Variants in APPBP2 observed in about 807,000 individuals in gnomAD.
APPBP2 encodes amyloid beta precursor protein binding protein 2, also known as amyloid protein-binding protein 2.
Under a neutral mutation model 76.0 loss-of-function variants are expected in APPBP2, and 15 were observed. The observed-to-expected ratio is 0.20, with a 90% CI of 0.13 to 0.30. The LOEUF is 0.30. APPBP2 is among the 10% of genes least tolerant of loss of function. The pLI is 1.00. For synonymous variants in APPBP2, 222 were observed against 242.2 expected (o/e 0.92, Z 0.77); for missense variants, 401 against 687.2 (o/e 0.58, Z 4.66).
intron 3 of APPBP2, among the ~76,000 whole-genome samples, chr17:60,492,590 G>A (rs1446359437): frequency 2.0e-5 from 3 of 152,216 alleles, no homozygotes; most frequent in Admixed American, 1.3e-4. Context: ...TCATTTTGGA[G>A]CTTTATGATT....
At position 60,446,325 on chromosome 17, in the gene APPBP2, C is replaced by CA. The variant is rs2090347003; in HGVS notation, c.*1255dup. ...ATCATTAAATAACCTGACTGGCTTA[C>CA]AAAAAATCAAATCAAAACCCAATAA... is the stretch of plus-strand genomic sequence containing the variant. On this transcript the variant is annotated 3_prime_UTR_variant, in exon 13 of 13. Coordinates refer to ENST00000083182, the MANE Select transcript of APPBP2 (RefSeq NM_006380.5). 1 of 152,382 alleles carries CA rather than the reference C, an allele frequency of 6.6e-6. No individual in the cohort carries two copies. Among genetic ancestry groups the CA allele is most frequent in the Non-Finnish European group, 1.5e-5 (1 of 67,984 alleles). The allele number at this position is 152,382 out of a possible 1,614,324, so 9.4% of individuals were successfully genotyped here.
intron 3 of APPBP2, among the ~76,000 whole-genome samples, chr17:60,491,385 G>T (rs2090727795): frequency 6.6e-6 from 1 of 152,130 alleles, no homozygotes. Flanking sequence ...GAGGTGACTG[G>T]AGTGCTGTTA....
At chr17:60,485,396 T>C (rs532006371) in intron 3 of APPBP2, among the ~76,000 whole-genome samples, 117 of 152,344 alleles carry the variant, frequency 7.7e-4, no homozygotes, top group Non-Finnish European at 1.4e-3. Flanking sequence ...TATTGGTCTA[T>C]TCAGAGATTC....
rs1437394999 is a variant in APPBP2 at position 60,518,358 on chromosome 17, C to CGTGCGTGT, written c.138+7435_138+7436insACACGCAC. ...TACCATGCCCAGCCGTGTGTGCGTG[C>CGTGCGTGT]GTGTGTGTGTGTGTGTGTGTGTGTG... On this transcript the variant is annotated intron_variant, in intron 1 of 12. Transcript: ENST00000083182. Among the ~76,000 whole-genome samples the CGTGCGTGT allele has an allele frequency of 4.5e-5, 4 of 89,098 alleles. No individual in the cohort carries two copies. The East Asian group carries it at 9.4e-4, about 21-fold the overall frequency. The allele number at this position is 89,098 out of a possible 152,430, so 58.5% of individuals were successfully genotyped here.
At chr17:60,517,145 T>C (rs1294452017) in intron 1 of APPBP2, among the ~76,000 whole-genome samples, 1 of 152,140 alleles carries the variant, frequency 6.6e-6, no homozygotes, top group East Asian at 1.9e-4. Context: ...CTGGCTAATT[T>C]TTTTTATTTT....
intron 4 of APPBP2, among the ~76,000 whole-genome samples, chr17:60,477,122 C>T (rs2090596331): frequency 6.6e-6 from 1 of 152,146 alleles, no homozygotes. Context: ...TTGACCTCCC[C>T]TCTTCTTACT....
chr17:60,502,244 T>C (rs1038578550), intron 1 of APPBP2, among the ~76,000 whole-genome samples: 2 of 152,282 alleles, frequency 1.3e-5, no homozygotes, highest in African/African-American at 2.4e-5. Flanking sequence ...GCTATCCTTA[T>C]AGAGGACTCT....
Position 60,525,962 on chromosome 17 carries a change from CTCCTCCT to C in APPBP2, c.-38_-32del, listed in dbSNP as rs2091051248. 1 of 1,557,200 alleles carries C rather than the reference CTCCTCCT, an allele frequency of 6.4e-7. No homozygotes were observed. The highest frequency in any genetic ancestry group is 1.4e-5 in the African/African-American group (1 of 73,566). ...TTCCCTCCTCCTCCGCCTCCTCCGC[CTCCTCCT>C]CCCGAAGGCCCCCACCTCCCTCCGT... On this transcript the variant is annotated 5_prime_UTR_variant, in exon 1 of 13. Coordinates refer to ENST00000083182, the MANE Select transcript of APPBP2 (RefSeq NM_006380.5).
At chr17:60,458,382 C>T (rs894776948) in intron 9 of APPBP2, among the ~76,000 whole-genome samples, 2 of 150,626 alleles carry the variant, frequency 1.3e-5, no homozygotes, top group South Asian at 2.1e-4. Flanking sequence ...TGCAGTCAGC[C>T]GAGATCACGC....
At chr17:60,468,546 G>A (rs1168926374) in intron 4 of APPBP2, 1 of 152,166 alleles carries the variant, frequency 6.6e-6, no homozygotes, top group African/African-American at 2.4e-5. Flanking sequence ...ACATGATGAA[G>A]TAGCAAAATA....
intron 12 of APPBP2, among the ~76,000 whole-genome samples, chr17:60,450,086 C>T (rs151233733): frequency 6.6e-6 from 1 of 151,890 alleles, no homozygotes; most frequent in East Asian, 2.0e-4. Context: ...TGTGAGCCAC[C>T]GTGCCTGGCT....
chr17:60,461,666 C>G (rs984127254), intron 8 of APPBP2, 144 bp downstream of exon 8: 2 of 591,900 alleles, frequency 3.4e-6, no homozygotes, highest in African/African-American at 3.8e-5. Context: ...CTAGGTAATA[C>G]TTAATAAAAT....
chr17:60,448,888 T>A (rs2090370262), intron 12 of APPBP2, among the ~76,000 whole-genome samples: 2 of 152,238 alleles, frequency 1.3e-5, no homozygotes, highest in South Asian at 4.1e-4. Flanking sequence ...TCTGGACATA[T>A]CTTTCTGTAT....
intron 5 of APPBP2, among the ~76,000 whole-genome samples, 161 bp downstream of exon 5, chr17:60,466,130 G>A (rs2090509003): frequency 6.6e-6 from 1 of 152,178 alleles, no homozygotes; most frequent in Non-Finnish European, 1.5e-5. Flanking sequence ...ACAGTGCTCG[G>A]CTTGTCTGAT....
chr17:60,454,165 T>G, intron 11 of APPBP2, 137 bp downstream of exon 11: 1 of 590,738 alleles, frequency 1.7e-6, no homozygotes, highest in Non-Finnish European at 2.6e-6. Flanking sequence ...GCTTGGCCTA[T>G]GTTGTTTTAT....
intron 4 of APPBP2, among the ~76,000 whole-genome samples, chr17:60,466,902 T>G (rs1184971836): frequency 6.6e-6 from 1 of 152,240 alleles, no homozygotes; most frequent in Non-Finnish European, 1.5e-5. Flanking sequence ...TGCTTCATAA[T>G]GTTCATTTTT....
At chr17:60,481,394 C>T (rs1481623606) in intron 3 of APPBP2, among the ~76,000 whole-genome samples, 6 of 152,122 alleles carry the variant, frequency 3.9e-5, no homozygotes, top group African/African-American at 1.4e-4. Flanking sequence ...AGTTCAAGAC[C>T]AGCCTGGGTA....
rs570932230 is a variant in APPBP2 at position 60,474,166 on chromosome 17, A to T, written c.503+4982T>A. Among the ~76,000 whole-genome samples the T allele has an allele frequency of 3.2e-3, 478 of 149,136 alleles. 1 individual carries two copies. Among genetic ancestry groups the T allele is most frequent in the Non-Finnish European group, 5.8e-3 (388 of 66,878 alleles). The stretch of plus-strand genomic sequence containing the variant: ...AATAATTCTAAATCTGTTAAATTTC[A>T]TTTTTTTTTTATTTTTTTTTTTTGA... On this transcript the variant is annotated intron_variant, in intron 4 of 12. Coordinates refer to ENST00000083182, the MANE Select transcript of APPBP2 (RefSeq NM_006380.5).
chr17:60,466,816 A>C (rs1447559168), intron 4 of APPBP2, among the ~76,000 whole-genome samples: 2 of 152,250 alleles, frequency 1.3e-5, no homozygotes, highest in Non-Finnish European at 2.9e-5. Flanking sequence ...TGAAGAAAAT[A>C]AAATTGACAT....
Sources: gnomAD v4.1 joint callset for allele counts (sites outside exome capture counted in the v4.1 genomes callset) on GRCh38, gnomAD v4.1.1 for gene constraint, MANE v1.5 for transcripts, NCBI Gene and HGNC (gene_info 2026-07-23, HGNC 2026-07-21) for gene names.